The following BRMS1L variants were observed in gnomAD, a reference collection of about 807,000 sequenced individuals.
The protein encoded by BRMS1L is BRMS1 like transcriptional repressor.
Under a neutral mutation model 50.3 loss-of-function variants are expected in BRMS1L, and 23 were observed. That is an observed-to-expected ratio of 0.46 (90% confidence interval 0.33 to 0.65). The LOEUF (loss-of-function observed/expected upper bound fraction) is 0.65. Among genes scored for constraint, BRMS1L ranks in the 30% least tolerant of loss-of-function variants. BRMS1L has a pLI of 0.02. For missense variants in BRMS1L, 286 were observed against 386.1 expected (o/e 0.74, Z 2.17); for synonymous variants, 114 against 126.9 (o/e 0.90, Z 0.69).
At chr14:35,869,966 G>A (rs1413545971) in intron 9 of BRMS1L, among the ~76,000 whole-genome samples, 2 of 151,946 alleles carry the variant, frequency 1.3e-5, no homozygotes, top group Non-Finnish European at 2.9e-5. Flanking sequence ...TACCGTAGAT[G>A]GTTTGACATT....
chr14:35,833,177 G>GT (rs2142038264), intron 3 of BRMS1L, 72 bp downstream of exon 3: 15 of 1,460,360 alleles, frequency 1.0e-5, no homozygotes, highest in Non-Finnish European at 1.4e-5. Context: ...TGTTTATCAA[G>GT]TAAGTGTTTT....
At chr14:35,837,696 G>A (rs2078012462) in intron 4 of BRMS1L, among the ~76,000 whole-genome samples, 1 of 151,998 alleles carries the variant, frequency 6.6e-6, no homozygotes, top group African/African-American at 2.4e-5. Context: ...GACTAGGCAT[G>A]TGCCACCATG....
chr14:35,842,118 T>G (rs1333844215), intron 4 of BRMS1L, among the ~76,000 whole-genome samples: 1 of 151,938 alleles, frequency 6.6e-6, no homozygotes, highest in Non-Finnish European at 1.5e-5. Flanking sequence ...TGCTGATGGG[T>G]CTTGACTATC....
intron 4 of BRMS1L, among the ~76,000 whole-genome samples, chr14:35,851,411 A>T (rs2078209916): frequency 6.6e-6 from 1 of 151,530 alleles, no homozygotes; most frequent in Admixed American, 6.6e-5. Context: ...TGTAGATACT[A>T]TGCTACTCTT....
chr14:35,844,810 T>A (rs1266310339), intron 4 of BRMS1L, among the ~76,000 whole-genome samples: 1 of 152,200 alleles, frequency 6.6e-6, no homozygotes, highest in Non-Finnish European at 1.5e-5. Context: ...TGCTGCTATA[T>A]CAAAAATAAT....
intron 4 of BRMS1L, among the ~76,000 whole-genome samples, chr14:35,844,449 C>T (rs2078107417): frequency 2.0e-5 from 3 of 152,154 alleles, no homozygotes; most frequent in Admixed American, 2.0e-4. Flanking sequence ...GGGAGTTTCC[C>T]AACACCTTAT....
intron 6 of BRMS1L, among the ~76,000 whole-genome samples, chr14:35,864,466 G>T (rs2078394988): frequency 6.6e-6 from 1 of 152,090 alleles, no homozygotes; most frequent in Non-Finnish European, 1.5e-5. Context: ...TTGCCGTGTT[G>T]CCCAGGCTGG....
intron 4 of BRMS1L, among the ~76,000 whole-genome samples, chr14:35,854,985 C>A (rs1177854232): frequency 1.3e-5 from 2 of 152,240 alleles, no homozygotes; most frequent in African/African-American, 4.8e-5. Flanking sequence ...CCCCCTCTTA[C>A]TGCCTAGGCA....
intron 4 of BRMS1L, among the ~76,000 whole-genome samples, chr14:35,862,084 ATAATTG>A (rs2078359682): frequency 6.6e-6 from 1 of 152,188 alleles, no homozygotes; most frequent in African/African-American, 2.4e-5. Context: ...AATTTAGACT[ATAATTG>A]AATTATTTTA....
At chr14:35,866,701 G>GA (rs916399399) in intron 8 of BRMS1L, among the ~76,000 whole-genome samples, 41 of 150,130 alleles carry the variant, frequency 2.7e-4, no homozygotes, top group African/African-American at 9.0e-4. Flanking sequence ...CCATCTCTAA[G>GA]AAAAAAAAAA....
chr14:35,853,445 C>G (rs2078239813), intron 4 of BRMS1L, among the ~76,000 whole-genome samples: 2 of 151,964 alleles, frequency 1.3e-5, no homozygotes, highest in Admixed American at 1.3e-4. Flanking sequence ...GAGACAGGGT[C>G]TCATTGTCTC....
At chr14:35,844,341 T>A (rs1425641898) in intron 4 of BRMS1L, among the ~76,000 whole-genome samples, 2 of 152,116 alleles carry the variant, frequency 1.3e-5, no homozygotes, top group Admixed American at 6.5e-5. Context: ...AATCTCCTGG[T>A]CTGTGGGTTG....
chr14:35,867,816 C>T, intron 8 of BRMS1L, 90 bp from the exon 9 acceptor site: 1 of 1,262,580 alleles, frequency 7.9e-7, no homozygotes, highest in South Asian at 2.4e-5. Context: ...TTTACATATG[C>T]ATGGATTGAT....
chr14:35,828,282 C>T (rs2077871030), intron 1 of BRMS1L, among the ~76,000 whole-genome samples: 3 of 151,498 alleles, frequency 2.0e-5, no homozygotes, highest in South Asian at 4.2e-4. Context: ...AAGCAATTCT[C>T]CTGCCTTAGC....
At chr14:35,837,325 A>G (rs1364227049) in intron 4 of BRMS1L, among the ~76,000 whole-genome samples, 3 of 152,040 alleles carry the variant, frequency 2.0e-5, no homozygotes, top group Non-Finnish European at 4.4e-5. Context: ...TGTCAACACT[A>G]TTTATTACAT....
chr14:35,857,240 C>CAAA (rs200406365), intron 4 of BRMS1L, among the ~76,000 whole-genome samples: 12 of 125,486 alleles, frequency 9.6e-5, no homozygotes, highest in African/African-American at 3.4e-4. Flanking sequence ...GACTCCGTCT[C>CAAA]AAAAAAAAAA....
At chr14:35,826,843 G>A in intron 1 of BRMS1L, 185 bp downstream of exon 1, 3 of 853,376 alleles carry the variant, frequency 3.5e-6, no homozygotes, top group Non-Finnish European at 5.1e-6. Flanking sequence ...CTCCTGATGG[G>A]TCCCGGCGGC....
chr14:35,838,850 G>A (rs1419456369), intron 4 of BRMS1L, among the ~76,000 whole-genome samples: 4 of 152,038 alleles, frequency 2.6e-5, no homozygotes, highest in African/African-American at 7.2e-5. Flanking sequence ...AGTTTCTTTT[G>A]CTCTGCAGAA....
At chr14:35,835,424 T>C (rs954346575) in intron 4 of BRMS1L, among the ~76,000 whole-genome samples, 1 of 152,220 alleles carries the variant, frequency 6.6e-6, no homozygotes, top group African/African-American at 2.4e-5. Flanking sequence ...TGCAATTTTT[T>C]TGTGTGTGTG....
Sources: allele counts gnomAD v4.1 joint callset (sites outside exome capture counted in the v4.1 genomes callset), GRCh38; gene constraint gnomAD v4.1.1; transcripts MANE v1.5; gene names NCBI Gene and HGNC (gene_info 2026-07-23, HGNC 2026-07-21).